Variants in CPNE4 observed in about 807,000 individuals in gnomAD.
The protein encoded by CPNE4 is copine 4, also known as copine-4.
In CPNE4, 25 loss-of-function variants were observed where a neutral mutation model predicts 67.9. The ratio of observed to expected loss-of-function variants is 0.37; its 90% CI spans 0.27 to 0.51. The LOEUF (loss-of-function observed/expected upper bound fraction) is 0.51, where lower values mean the gene tolerates loss of function less well. Among genes scored for constraint, CPNE4 ranks in the 20% least tolerant of loss-of-function variants. The probability of loss-of-function intolerance (pLI) is 0.93; values close to 1 mark genes in which losing one functional copy is unlikely to be tolerated. For synonymous variants in CPNE4, 242 were observed against 244.9 expected (o/e 0.99, Z 0.11); for missense variants, 464 against 690.8 (o/e 0.67, Z 3.68).
intron 7 of CPNE4, among the ~76,000 whole-genome samples, chr3:131,616,170 T>G (rs1940146557): frequency 6.6e-6 from 1 of 152,106 alleles, no homozygotes; most frequent in African/African-American, 2.4e-5. Flanking sequence ...GGAGACTAAC[T>G]GAAACAATCA....
intron 1 of CPNE4, among the ~76,000 whole-genome samples, chr3:132,002,353 G>A (rs991092573): frequency 6.6e-6 from 1 of 152,148 alleles, no homozygotes; most frequent in African/African-American, 2.4e-5. Flanking sequence ...TTGCTGACTT[G>A]TCACTTTTAT....
chr3:131,575,165 C>A (rs752325690), intron 9 of CPNE4, 35 bp from the exon 10 acceptor site: 3 of 1,567,394 alleles, frequency 1.9e-6, no homozygotes, highest in Non-Finnish European at 2.6e-6. Flanking sequence ...GGGTTAATAA[C>A]AGCACAGTCT....
At chr3:131,587,810 A>T (rs1559944289) in intron 7 of CPNE4, among the ~76,000 whole-genome samples, 1 of 152,204 alleles carries the variant, frequency 6.6e-6, no homozygotes, top group Non-Finnish European at 1.5e-5. Context: ...GACTACAATG[A>T]TCTGCCCATT....
At chr3:131,980,070 A>T (rs1254550228) in intron 1 of CPNE4, among the ~76,000 whole-genome samples, 5 of 152,144 alleles carry the variant, frequency 3.3e-5, no homozygotes, top group Non-Finnish European at 1.5e-5. Context: ...ATTTGCTGTT[A>T]ATCTGAAAGG....
At chr3:131,581,112 G>A (rs190142336) in intron 9 of CPNE4, among the ~76,000 whole-genome samples, 1 of 152,322 alleles carries the variant, frequency 6.6e-6, no homozygotes, top group Admixed American at 6.5e-5. Flanking sequence ...GGCAGAGGTT[G>A]CAGTGAGCCG....
At chr3:131,582,341 G>T (rs921143917) in intron 8 of CPNE4, among the ~76,000 whole-genome samples, 2 of 152,178 alleles carry the variant, frequency 1.3e-5, no homozygotes, top group Non-Finnish European at 2.9e-5. Context: ...AGTCAGCTGG[G>T]AACTAAGGGG....
intron 5 of CPNE4, 29 bp downstream of exon 5, chr3:131,696,513 T>C: frequency 6.2e-7 from 1 of 1,601,420 alleles, no homozygotes; most frequent in South Asian, 1.1e-5. Flanking sequence ...TGTTACTTCC[T>C]TCAATAAGGT....
chr3:131,628,968 T>C (rs1322233382), intron 7 of CPNE4, among the ~76,000 whole-genome samples: 1 of 151,462 alleles, frequency 6.6e-6, no homozygotes, highest in South Asian at 2.1e-4. Flanking sequence ...CTCTTGCTTC[T>C]CTAGTTCTTT....
chr3:131,764,187 G>C (rs747678091), intron 2 of CPNE4, among the ~76,000 whole-genome samples: 1 of 151,614 alleles, frequency 6.6e-6, no homozygotes, highest in South Asian at 2.1e-4. Context: ...GAATATTTTT[G>C]TGGAAAAATG....
intron 7 of CPNE4, among the ~76,000 whole-genome samples, chr3:131,662,944 C>A (rs537632528): frequency 3.3e-5 from 5 of 152,156 alleles, no homozygotes; most frequent in Non-Finnish European, 5.9e-5. Flanking sequence ...CCATTTGACC[C>A]AGCAATCCTG....
chr3:131,949,384 A>G lies in CPNE4; in HGVS notation c.-1-43940T>C, dbSNP rs141006208. Among the ~76,000 whole-genome samples the G allele has an allele frequency of 2.8e-3, 428 of 152,346 alleles. 3 individuals carry two copies. Among genetic ancestry groups the G allele is most frequent in the African/African-American group, 9.7e-3 (404 of 41,582 alleles). On this transcript the variant is annotated intron_variant, in intron 1 of 15. Coordinates refer to ENST00000429747, the MANE Select transcript of CPNE4 (RefSeq NM_130808.3). The stretch of plus-strand genomic sequence containing the variant: ...AAATGTCAATCATGGGCATCCAGAG[A>G]AGAATGGAGGAAAGCAGACAATATC...
chr3:131,863,880 G>A (rs1233618531), intron 2 of CPNE4, among the ~76,000 whole-genome samples: 1 of 152,156 alleles, frequency 6.6e-6, no homozygotes, highest in Non-Finnish European at 1.5e-5. Flanking sequence ...ATTAATTTTT[G>A]TATAAGGTGT....
intron 2 of CPNE4, among the ~76,000 whole-genome samples, chr3:131,905,019 G>T (rs543951025): frequency 6.6e-6 from 1 of 152,108 alleles, no homozygotes; most frequent in South Asian, 2.1e-4. Flanking sequence ...AGAGTATATT[G>T]TGAGTATTTC....
At chr3:132,010,643 T>C (rs539309693) in intron 1 of CPNE4, among the ~76,000 whole-genome samples, 4 of 152,230 alleles carry the variant, frequency 2.6e-5, no homozygotes, top group South Asian at 2.1e-4. Flanking sequence ...GGAGAAAAGA[T>C]TGTCGATACA....
intron 2 of CPNE4, among the ~76,000 whole-genome samples, chr3:131,781,911 G>C (rs948414666): frequency 2.0e-5 from 3 of 152,064 alleles, no homozygotes; most frequent in East Asian, 1.9e-4. Context: ...ACAGTGATGG[G>C]CTTTTCTGAT....
intron 2 of CPNE4, among the ~76,000 whole-genome samples, chr3:131,795,152 A>G (rs913438080): frequency 6.6e-6 from 1 of 152,218 alleles, no homozygotes; most frequent in East Asian, 1.9e-4. Context: ...AAAAAAATCT[A>G]GAGCTCTTTC....
intron 2 of CPNE4, among the ~76,000 whole-genome samples, chr3:131,820,037 C>T (rs946525222): frequency 2.0e-5 from 3 of 152,182 alleles, no homozygotes; most frequent in Admixed American, 6.5e-5. Context: ...AAGTTGCTTA[C>T]GTCCCTGAAT....
At chr3:131,817,536 C>A (rs2084792318) in intron 2 of CPNE4, among the ~76,000 whole-genome samples, 1 of 152,048 alleles carries the variant, frequency 6.6e-6, no homozygotes. Flanking sequence ...CTTTGGTGAT[C>A]CTTGTTTTTC....
chr3:131,766,936 G>A (rs1342376371), intron 2 of CPNE4, among the ~76,000 whole-genome samples: 2 of 152,048 alleles, frequency 1.3e-5, no homozygotes, highest in Non-Finnish European at 2.9e-5. Context: ...TAAACTCAAA[G>A]ATAAATGGCA....
Sources: allele counts gnomAD v4.1 joint callset (sites outside exome capture counted in the v4.1 genomes callset), GRCh38; gene constraint gnomAD v4.1.1; transcripts MANE v1.5; gene names NCBI Gene and HGNC (gene_info 2026-07-23, HGNC 2026-07-21).